The following DNAH9 variants were observed in gnomAD, a reference collection of about 807,000 sequenced individuals.
DNAH9 encodes DNAH9 variant protein.
In DNAH9, 345 loss-of-function variants were observed where a neutral mutation model predicts 471.6. That is an observed-to-expected ratio of 0.73 (90% CI 0.67 to 0.80). DNAH9 has a LOEUF of 0.80. Among genes scored for constraint, DNAH9 ranks in the 30% least tolerant of loss-of-function variants. DNAH9 has a pLI of 0.00. For synonymous variants in DNAH9, 2,093 were observed against 2,123.6 expected, an observed-to-expected ratio of 0.99 and a Z score of 0.40; for missense variants, 5,407 against 5,609.2, an observed-to-expected ratio of 0.96 and a Z score of 1.15.
In DNAH9 at chr17:11,869,186, C is replaced by T. The variant is rs749946296; in HGVS notation, c.9986C>T (p.Ala3329Val). The T allele has an allele frequency of 6.2e-7, 1 of 1,613,800 alleles. No homozygotes were observed. The highest frequency in any genetic ancestry group is 1.3e-5 in the African/African-American group (1 of 75,042). ...KLTARFEKAT[A>V]DKLKCQQEAE... ...ACAGCCAGGTTTGAGAAAGCAACAG[C>T]AGACAAACTCAAATGTCAGCAAGAA... Residue 3329 changes from alanine to valine, a missense_variant, in exon 51 of 69, where the codon GCA becomes GTA. Physicochemically the swap from Ala to Val is moderately conservative, Grantham distance 64. Around this residue, in one of 3 missense-constraint regions of DNAH9, gnomAD observed 4,636 missense variants for 4,900.3 expected, o/e 0.95. Transcript: ENST00000262442.
chr17:11,969,161 G>C (rs986546617), intron 68 of DNAH9, 139 bp from the exon 69 acceptor site: 12 of 687,680 alleles, frequency 1.7e-5, no homozygotes, highest in African/African-American at 1.3e-4. Context: ...AGGCTGCTGA[G>C]AAAACCTGGA....
chr17:11,910,562 AGT>A (rs1393437188), intron 61 of DNAH9, among the ~76,000 whole-genome samples: 2 of 152,154 alleles, frequency 1.3e-5, no homozygotes, highest in African/African-American at 4.8e-5. Context: ...AATTCTCTTG[AGT>A]ATATACCTGG....
chr17:11,821,960 C>T lies in DNAH9; in HGVS notation c.8748C>T (p.Asn2916=). Residue 2916 remains asparagine, a synonymous_variant, in exon 46 of 69, where the codon AAC becomes AAT. Transcript: ENST00000262442. The part of the protein sequence containing the change: ...PDLYSDDEVE[N]IISNVRNEVK... ...TCTACTCTGATGATGAAGTTGAAAA[C>T]ATCATAAGCAATGTGAGGAATGAAG... 2 of 1,614,100 alleles carry T rather than the reference C, an allele frequency of 1.2e-6. No homozygotes were observed.
chr17:11,646,979 A>T, intron 11 of DNAH9, 93 bp from the exon 12 acceptor site: 1 of 1,322,262 alleles, frequency 7.6e-7, no homozygotes, highest in Non-Finnish European at 1.1e-6. Flanking sequence ...GTCAATGACT[A>T]GTAGTATCTT....
At chr17:11,655,596 A>G (rs1351706505) in intron 14 of DNAH9, among the ~76,000 whole-genome samples, 1 of 125,192 alleles carries the variant, frequency 8.0e-6, no homozygotes, top group African/African-American at 3.1e-5. Flanking sequence ...GCAGAGCTAC[A>G]GTCCCCATGT....
chr17:11,651,365 T>G, intron 13 of DNAH9, 41 bp downstream of exon 13: 5 of 1,576,300 alleles, frequency 3.2e-6, no homozygotes, highest in Non-Finnish European at 4.3e-6. Context: ...AACATGGAGA[T>G]TCGAGGATCT....
chr17:11,745,311 C>T (rs926146139), intron 31 of DNAH9, among the ~76,000 whole-genome samples: 3 of 152,186 alleles, frequency 2.0e-5, no homozygotes, highest in African/African-American at 7.2e-5. Context: ...ACAGCCCTTC[C>T]ATTCTGTTTG....
chr17:11,656,235 A>G (rs2073644660), intron 14 of DNAH9, among the ~76,000 whole-genome samples: 2 of 151,724 alleles, frequency 1.3e-5, no homozygotes, highest in African/African-American at 4.8e-5. Flanking sequence ...TATTTCTTTT[A>G]TTTGTTTGGT....
chr17:11,748,155 A>G (rs1330583490), intron 32 of DNAH9, among the ~76,000 whole-genome samples: 1 of 135,092 alleles, frequency 7.4e-6, no homozygotes, highest in Non-Finnish European at 1.5e-5. Flanking sequence ...ATACAAAAAA[A>G]AAAAAAAAAA....
chr17:11,608,320 G>C lies in DNAH9; in HGVS notation c.609G>C (p.Glu203Asp), dbSNP rs1418630475. ...TGGAGTTTGCGGATTCCAAAAGTGA[G>C]ACAGTGTAAGTACCGCCAGCCTGGC... is the stretch of plus-strand genomic sequence containing the variant. ...EKMEFADSKS[E>D]TVLDSIDKSV... is the part of the protein sequence containing the mutation. The change falls in exon 2 of 69, where the codon GAG (glutamate) becomes GAC (aspartate). Residue 203 changes from glutamate to aspartate, a missense_variant. Physicochemically the swap from Glu to Asp is conservative, Grantham distance 45. Coordinates refer to ENST00000262442, the MANE Select transcript of DNAH9 (RefSeq NM_001372.4). 7 of 1,605,566 alleles carry C rather than the reference G, an allele frequency of 4.4e-6. No individual in the cohort carries two copies. In the East Asian group the frequency reaches 1.6e-4, roughly 36 times the overall value.
rs76977705 is a variant in DNAH9, at chr17:11,833,533, G to T, written c.9247-1105G>T. Among the ~76,000 whole-genome samples the T allele has an allele frequency of 1.3e-3, 205 of 152,304 alleles. 4 individuals are homozygous for T. In the East Asian group the frequency reaches 0.027, roughly 20 times the overall value. ...TGATGTTCTATGTGATTGGTTAGGG[G>T]AGCATGTTTGGCTTTCTCTGGGTGG... On this transcript the variant is annotated intron_variant, in intron 48 of 68. Coordinates refer to ENST00000262442, the MANE Select transcript of DNAH9 (RefSeq NM_001372.4).
rs550289271 is a variant in DNAH9 at position 11,761,034 on chromosome 17, C to T, written c.6996-2406C>T. Among the ~76,000 whole-genome samples the T allele has an allele frequency of 2.6e-5, 4 of 152,338 alleles. No homozygotes were observed. The East Asian group carries it at 5.8e-4, about 22-fold the overall frequency. On this transcript the variant is annotated intron_variant, in intron 35 of 68. Transcript: ENST00000262442. ...TAATTTTTTATTGAATAAGCAGGCCCATAAGGGGCAATTATAAAGCAGCTT... is the reference window on the plus strand; with the variant it reads ...TAATTTTTTATTGAATAAGCAGGCCTATAAGGGGCAATTATAAAGCAGCTT...
At chr17:11,953,883 C>A (rs1047660407) in intron 67 of DNAH9, 7 of 150,534 alleles carry the variant, frequency 4.7e-5, no homozygotes, top group Non-Finnish European at 3.0e-5. Flanking sequence ...TAGAAGAAAA[C>A]AAGAGTATAA....
At chr17:11,620,437 G>A (rs1435952040) in intron 6 of DNAH9, among the ~76,000 whole-genome samples, 1 of 151,188 alleles carries the variant, frequency 6.6e-6, no homozygotes, top group South Asian at 2.1e-4. Context: ...TCTTGAACTC[G>A]GAAGGCAGAG....
At chr17:11,941,546 CT>C (rs1264587851) in intron 66 of DNAH9, among the ~76,000 whole-genome samples, 4 of 152,162 alleles carry the variant, frequency 2.6e-5, no homozygotes, top group African/African-American at 4.8e-5. Flanking sequence ...CCTAGCTCCC[CT>C]GATCTAATTA....
At chr17:11,823,463 G>A (rs1970385483) in intron 48 of DNAH9, among the ~76,000 whole-genome samples, 1 of 152,128 alleles carries the variant, frequency 6.6e-6, no homozygotes, top group Non-Finnish European at 1.5e-5. Context: ...CAAAAGAAAT[G>A]AATGGTGAAA....
intron 14 of DNAH9, among the ~76,000 whole-genome samples, chr17:11,657,643 AT>A (rs950894666): frequency 6.6e-6 from 1 of 151,454 alleles, no homozygotes; most frequent in Non-Finnish European, 1.5e-5. Context: ...GATATCTTTT[AT>A]TTTTTTTCTT....
chr17:11,767,930 C>T (rs905042855), intron 36 of DNAH9, among the ~76,000 whole-genome samples: 12 of 152,100 alleles, frequency 7.9e-5, no homozygotes, highest in Non-Finnish European at 1.6e-4. Context: ...ATTTTGCAGA[C>T]GAGGAGATTG....
chr17:11,713,512 C>G (rs775601368), intron 26 of DNAH9, among the ~76,000 whole-genome samples: 4 of 152,078 alleles, frequency 2.6e-5, no homozygotes, highest in African/African-American at 4.8e-5. Flanking sequence ...AATTTACACT[C>G]CCACCAAGAG....
Sources: allele counts gnomAD v4.1 joint callset (sites outside exome capture counted in the v4.1 genomes callset), GRCh38; gene constraint gnomAD v4.1.1; regional missense constraint gnomAD v4.1.1; transcripts MANE v1.5; gene names NCBI Gene and HGNC (gene_info 2026-07-23, HGNC 2026-07-21).